FAM98B: variants seen among roughly 807,000 people sequenced by gnomAD.
FAM98B encodes tRNA-splicing ligase complex subunit FAM98B.
In FAM98B, 32 loss-of-function variants were observed where a neutral mutation model predicts 43.9. The ratio of observed to expected loss-of-function variants is 0.73; its 90% confidence interval spans 0.55 to 0.98. The LOEUF (loss-of-function observed/expected upper bound fraction) is 0.98. Among genes scored for constraint, FAM98B ranks in the 50% least tolerant of loss-of-function variants. FAM98B has a pLI of 0.00. For synonymous variants in FAM98B, 190 were observed against 174.0 expected, an observed-to-expected ratio of 1.09 and a Z score of -0.72; for missense variants, 514 against 522.9, an observed-to-expected ratio of 0.98 and a Z score of 0.17.
intron 2 of FAM98B, among the ~76,000 whole-genome samples, chr15:38,464,658 C>T (rs953100095): frequency 7.2e-5 from 11 of 152,096 alleles, no homozygotes; most frequent in Non-Finnish European, 1.3e-4. Flanking sequence ...TCATTACCAT[C>T]TTAGTAACTG....
intron 6 of FAM98B, among the ~76,000 whole-genome samples, chr15:38,477,441 A>G (rs1890218923): frequency 6.6e-6 from 1 of 151,908 alleles, no homozygotes. Flanking sequence ...TCTCTCTTTC[A>G]TTCTTCTTGT....
At chr15:38,460,669 C>G (rs913207539) in intron 1 of FAM98B, among the ~76,000 whole-genome samples, 1 of 152,200 alleles carries the variant, frequency 6.6e-6, no homozygotes, top group Non-Finnish European at 1.5e-5. Context: ...TTAGACACTT[C>G]TATTGCCTAA....
intron 6 of FAM98B, among the ~76,000 whole-genome samples, chr15:38,478,884 T>G (rs998589293): frequency 1.4e-4 from 22 of 152,376 alleles, no homozygotes; most frequent in African/African-American, 5.0e-4. Context: ...TTTTCCAATA[T>G]CTCTAAAAAC....
At position 38,481,384 on chromosome 15, in the gene FAM98B, T is replaced by C; in HGVS notation, c.822T>C (p.Ala274=). 1 of 1,614,212 alleles carries C rather than the reference T, an allele frequency of 6.2e-7. No individual in the cohort carries two copies. Among genetic ancestry groups the C allele is most frequent in the Admixed American group, 1.7e-5 (1 of 60,030 alleles). Reference sequence around the variant, plus strand: ...TTACAATGGCACATCTACTTGCTGCTCGTGAAGATCTATCCAAGATCATTA... The same window carrying C: ...TTACAATGGCACATCTACTTGCTGCCCGTGAAGATCTATCCAAGATCATTA... ...TTITMAHLLA[A]REDLSKIIRT... is the part of the protein sequence containing the mutation. The change falls in exon 7 of 8, where the codon GCT becomes GCC. Residue 274 remains alanine (A), a synonymous_variant. Coordinates refer to ENST00000397609, the MANE Select transcript of FAM98B (RefSeq NM_173611.4).
At chr15:38,476,390 A>G (rs1172099024) in intron 6 of FAM98B, among the ~76,000 whole-genome samples, 1 of 151,526 alleles carries the variant, frequency 6.6e-6, no homozygotes, top group Non-Finnish European at 1.5e-5. Flanking sequence ...GGACCTTTCA[A>G]TATGTAGACT....
chr15:38,484,625 G>A lies in FAM98B; in HGVS notation c.1268G>A (p.Gly423Asp). Reference protein sequence around the residue: ...PYGGGGGGGGGGGGGGGYRRY With the variant: ...PYGGGGGGGGDGGGGGGYRRY ...GGAGGAGGTGGTGGTGGTGGTGGTGGTGGTGGTGGAGGAGGTGGATATAGA... is the reference window on the plus strand; with the variant it reads ...GGAGGAGGTGGTGGTGGTGGTGGTGATGGTGGTGGAGGAGGTGGATATAGA... Residue 423 changes from glycine (G) to aspartate (D), a missense_variant, in exon 8 of 8, where the codon GGT becomes GAT. By Grantham distance (94) the Gly-to-Asp change is moderately conservative (BLOSUM62 -1). Transcript: ENST00000397609. 6.6e-7 allele frequency: 1 copy of A among 1,510,666 alleles called. No homozygotes were observed. Among genetic ancestry groups the A allele is most frequent in the Admixed American group, 2.6e-5 (1 of 39,092 alleles). 93.6% of individuals were successfully genotyped at this position (1,510,666 alleles called of 1,614,324 possible).
intron 3 of FAM98B, among the ~76,000 whole-genome samples, chr15:38,467,183 T>C (rs1890048413): frequency 6.6e-6 from 1 of 152,220 alleles, no homozygotes; most frequent in Non-Finnish European, 1.5e-5. Flanking sequence ...AGAAAGGTTA[T>C]ACTAGTTCAC....
At chr15:38,458,907 A>G (rs1242321990) in intron 1 of FAM98B, 3 of 439,134 alleles carry the variant, frequency 6.8e-6, no homozygotes, top group Non-Finnish European at 1.4e-5. Flanking sequence ...GAAGCAGACA[A>G]GTTGTCCAGG....
At position 38,485,743 on chromosome 15, in the gene FAM98B, T is replaced by TA. The variant is rs1333437308; in HGVS notation, c.*1085dup. The TA allele has an allele frequency of 6.6e-6, 1 of 152,190 alleles. No homozygotes were observed. Among genetic ancestry groups the TA allele is most frequent in the Non-Finnish European group, 1.5e-5 (1 of 68,014 alleles). 9.4% of individuals were successfully genotyped at this position (152,190 alleles called of 1,614,324 possible). A position where few individuals can be genotyped will look rare whatever the true frequency, so the allele number is the denominator to read the frequency against. ...TTTGTCAAATGAGGAATGAGACACT[T>TA]ACCATCATCTCAGGTTGTTTCTTAA... On this transcript the variant is annotated 3_prime_UTR_variant, in exon 8 of 8. Coordinates refer to ENST00000397609, the MANE Select transcript of FAM98B (RefSeq NM_173611.4).
In FAM98B at chr15:38,485,032, A is replaced by G. The variant is rs1429502651; in HGVS notation, c.*373A>G. 3.0e-5 allele frequency: 5 copies of G among 169,020 alleles called. No individual in the cohort carries two copies. The South Asian group carries it at 6.4e-4, about 22-fold the overall frequency. The allele number at this position is 169,020 out of a possible 1,614,324, so 10.5% of individuals were successfully genotyped here. A position where few individuals can be genotyped will look rare whatever the true frequency, so the allele number is the denominator to read the frequency against. On this transcript the variant is annotated 3_prime_UTR_variant, in exon 8 of 8. Coordinates refer to ENST00000397609, the MANE Select transcript of FAM98B (RefSeq NM_173611.4). ...TGTATTTTGTTCAGGTTTGAGACATATAAAAGACCCCACCTGTAATAGAAA... is the reference window on the plus strand; with the variant it reads ...TGTATTTTGTTCAGGTTTGAGACATGTAAAAGACCCCACCTGTAATAGAAA...
chr15:38,458,865 C>A, intron 1 of FAM98B: 1 of 464,768 alleles, frequency 2.2e-6, no homozygotes, highest in South Asian at 1.8e-5. Context: ...CAGGACTGCA[C>A]AGGCACTGCA....
chr15:38,455,793 A>G (rs888302092), intron 1 of FAM98B, among the ~76,000 whole-genome samples: 2 of 152,188 alleles, frequency 1.3e-5, no homozygotes, highest in African/African-American at 4.8e-5. Flanking sequence ...TGTTCATATT[A>G]TAAGTGTTTT....
At chr15:38,454,381 A>G in intron 1 of FAM98B, 149 bp downstream of exon 1, 1 of 798,508 alleles carries the variant, frequency 1.3e-6, no homozygotes, top group Non-Finnish European at 2.0e-6. Flanking sequence ...CGACGGAGTT[A>G]AGCGGGAGGC....
chr15:38,478,743 C>A (rs1439303558), intron 6 of FAM98B, among the ~76,000 whole-genome samples: 1 of 152,088 alleles, frequency 6.6e-6, no homozygotes. Context: ...TCCAGAGTTG[C>A]CCTTCAAACA....
At chr15:38,472,541 GTA>G (rs989221603) in intron 4 of FAM98B, among the ~76,000 whole-genome samples, 1 of 151,638 alleles carries the variant, frequency 6.6e-6, no homozygotes, top group Non-Finnish European at 1.5e-5. Context: ...CCCATTTTAA[GTA>G]TATATATATA....
chr15:38,454,193 C>T lies in FAM98B; in HGVS notation c.32C>T (p.Thr11Met), dbSNP rs1306325502. 7 of 1,604,084 alleles carry T rather than the reference C, an allele frequency of 4.4e-6. No homozygotes were observed. Among genetic ancestry groups the T allele is most frequent in the Non-Finnish European group, 5.9e-6 (7 of 1,176,550 alleles). The change falls in exon 1 of 8, where the codon ACG (threonine) becomes ATG (methionine). Residue 11 changes from threonine (T) to methionine (M), a missense_variant. By Grantham distance (81) the Thr-to-Met change is moderately conservative. Transcript: ENST00000397609. ...GGGCCGGAGCCGGGTCCCCAACCGA[C>T]GATGGAGGGAGACGTGCTGGACACA... is the stretch of plus-strand genomic sequence containing the variant. Reference protein sequence around the residue: MRGPEPGPQPTMEGDVLDTLE... With the variant: MRGPEPGPQPMMEGDVLDTLE...
rs978189605 is a variant in FAM98B at position 38,485,862 on chromosome 15, T to C, written c.*1203T>C. Reference sequence around the variant, plus strand: ...GCCAAGTAATGTATTTTTCTCTTAGTGTAGAAAGTTAAGAGAAAAAGAGCT... The same window carrying C: ...GCCAAGTAATGTATTTTTCTCTTAGCGTAGAAAGTTAAGAGAAAAAGAGCT... On this transcript the variant is annotated 3_prime_UTR_variant, in exon 8 of 8. Transcript: ENST00000397609. The C allele has an allele frequency of 1.3e-5, 2 of 152,002 alleles. No homozygotes were observed. Among genetic ancestry groups the C allele is most frequent in the Admixed American group, 6.6e-5 (1 of 15,246 alleles). 9.4% of individuals were successfully genotyped at this position (152,002 alleles called of 1,614,324 possible).
intron 4 of FAM98B, chr15:38,470,617 C>G: frequency 2.7e-6 from 1 of 374,562 alleles, no homozygotes; most frequent in Non-Finnish European, 4.7e-6. Flanking sequence ...TAATGAGTTA[C>G]TGGCCTTCAG....
At chr15:38,468,294 G>A (rs1435609317) in intron 3 of FAM98B, among the ~76,000 whole-genome samples, 1 of 152,030 alleles carries the variant, frequency 6.6e-6, no homozygotes, top group Non-Finnish European at 1.5e-5. Context: ...GGAGTGTGAT[G>A]GTGCGATTGT....
Sources: gnomAD v4.1 joint callset for allele counts (sites outside exome capture counted in the v4.1 genomes callset) on GRCh38, gnomAD v4.1.1 for gene constraint, MANE v1.5 for transcripts, NCBI Gene and HGNC (gene_info 2026-07-23, HGNC 2026-07-21) for gene names.